Variants in ADAMTSL1 observed in about 807,000 individuals in gnomAD.
The protein encoded by ADAMTSL1 is ADAMTS-like protein 1.
In ADAMTSL1, 126 loss-of-function variants were observed where a neutral mutation model predicts 201.8. The ratio of observed to expected loss-of-function variants is 0.62; its 90% CI spans 0.54 to 0.72. The LOEUF is 0.72. Ranked by LOEUF, ADAMTSL1 falls within the 30% of genes least tolerant of loss-of-function variation. The probability of loss-of-function intolerance (pLI) is 0.00; values close to 1 mark genes in which losing one functional copy is unlikely to be tolerated. For synonymous variants in ADAMTSL1, 1,121 were observed against 903.4 expected (o/e 1.24, Z -4.32); for missense variants, 2,679 against 2,277.8 (o/e 1.18, Z -3.59).
chr9:18,054,222 T>G (rs1805467828), intron 1 of ADAMTSL1, among the ~76,000 whole-genome samples: 1 of 152,212 alleles, frequency 6.6e-6, no homozygotes, highest in Non-Finnish European at 1.5e-5. Flanking sequence ...TGTAGAAAAT[T>G]GAGAAACCAT....
chr9:18,904,407 T>G (rs1830174781), intron 26 of ADAMTSL1, among the ~76,000 whole-genome samples: 2 of 151,998 alleles, frequency 1.3e-5, no homozygotes, highest in Non-Finnish European at 2.9e-5. Context: ...AGGCAGAGGT[T>G]GCAGTAAGCC....
chr9:18,543,348 T>G (rs1362560919), intron 3 of ADAMTSL1, among the ~76,000 whole-genome samples: 1 of 150,690 alleles, frequency 6.6e-6, no homozygotes, highest in African/African-American at 2.4e-5. Flanking sequence ...ACCCACAGCT[T>G]TTTTTTTTAA....
intron 1 of ADAMTSL1, among the ~76,000 whole-genome samples, chr9:18,088,306 T>G (rs1823856457): frequency 6.6e-6 from 1 of 152,054 alleles, no homozygotes; most frequent in Non-Finnish European, 1.5e-5. Context: ...GAAGAAAACA[T>G]AGAGGAAAGT....
At chr9:18,732,153 C>CT (rs1233998423) in intron 15 of ADAMTSL1, among the ~76,000 whole-genome samples, 1 of 152,230 alleles carries the variant, frequency 6.6e-6, no homozygotes, top group African/African-American at 2.4e-5. Flanking sequence ...TGCTAACACT[C>CT]TTACTTTTCT....
chr9:18,692,935 A>G (rs2133253144), intron 13 of ADAMTSL1, among the ~76,000 whole-genome samples: 1 of 152,368 alleles, frequency 6.6e-6, no homozygotes. Flanking sequence ...GCAAAGAGAA[A>G]GAAAGATGGT....
At chr9:17,993,959 C>A in intron 1 of ADAMTSL1, among the ~76,000 whole-genome samples, 1 of 151,960 alleles carries the variant, frequency 6.6e-6, no homozygotes, top group East Asian at 1.9e-4. Flanking sequence ...TTTTGAGAGA[C>A]CAGAGAGGTC....
intron 1 of ADAMTSL1, among the ~76,000 whole-genome samples, chr9:18,069,943 G>A (rs542131344): frequency 6.6e-6 from 1 of 152,308 alleles, no homozygotes; most frequent in South Asian, 2.1e-4. Context: ...AAACATTGGA[G>A]CCTATAGTTG....
Position 18,776,811 on chromosome 9 carries a change from C to G in ADAMTSL1, c.2582C>G (p.Pro861Arg), listed in dbSNP as rs748416492. The G allele has an allele frequency of 1.2e-5, 18 of 1,564,008 alleles. No homozygotes were observed. The highest frequency in any genetic ancestry group is 8.1e-5 in the African/African-American group (6 of 73,650). The change falls in exon 19 of 29, where the codon CCG becomes CGG. Residue 861 changes from proline (P) to arginine (R), a missense_variant. Pro to Arg is a moderately radical substitution (Grantham distance 103, BLOSUM62 -2). Transcript: ENST00000380548. ...GGGCGGCCATCCACGAAGCACAGCC[C>G]GCACATCGCGGCCGCCAGGAAGGTC... is the stretch of plus-strand genomic sequence containing the variant. ...RPGRPSTKHS[P>R]HIAAARKVYI... is the part of the protein sequence containing the mutation.
intron 2 of ADAMTSL1, among the ~76,000 whole-genome samples, chr9:18,432,854 G>C (rs1021276952): frequency 1.3e-5 from 2 of 152,140 alleles, no homozygotes; most frequent in Non-Finnish European, 2.9e-5. Flanking sequence ...TTAGTTGTGG[G>C]ATTTAGTGTC....
At chr9:18,628,332 G>A (rs10811001) in intron 5 of ADAMTSL1, among the ~76,000 whole-genome samples, 21,249 of 151,962 alleles carry the variant, frequency 0.14, 1,621 homozygotes, top group Admixed American at 0.21. Flanking sequence ...AGTACCATTT[G>A]TTGAAAAAGA....
At chr9:18,304,476 A>C (rs1372341097) in intron 2 of ADAMTSL1, among the ~76,000 whole-genome samples, 4 of 152,166 alleles carry the variant, frequency 2.6e-5, no homozygotes, top group African/African-American at 9.7e-5. Flanking sequence ...GCTATTTTGC[A>C]AAACCAAATT....
intron 21 of ADAMTSL1, among the ~76,000 whole-genome samples, chr9:18,819,455 CAA>C (rs11330901): frequency 1.7e-3 from 220 of 132,264 alleles, no homozygotes; most frequent in Non-Finnish European, 1.8e-3. Context: ...GACTCTGTCT[CAA>C]AAAAAAAAAA....
intron 2 of ADAMTSL1, among the ~76,000 whole-genome samples, chr9:18,461,573 A>T (rs566164635): frequency 6.6e-6 from 1 of 152,240 alleles, no homozygotes; most frequent in African/African-American, 2.4e-5. Flanking sequence ...TTTTTATTTA[A>T]TCTACCTAAC....
chr9:18,155,661 C>G (rs1188983982), intron 1 of ADAMTSL1, among the ~76,000 whole-genome samples: 1 of 152,020 alleles, frequency 6.6e-6, no homozygotes, highest in African/African-American at 2.4e-5. Context: ...AAAGATTGGA[C>G]TCCCCTTCTG....
Position 18,650,656 on chromosome 9 carries a change from A to T in ADAMTSL1, c.835-6983A>T, listed in dbSNP as rs58023378. Among the ~76,000 whole-genome samples the T allele has an allele frequency of 1.3e-3, 202 of 152,316 alleles. 4 individuals are homozygous for T. In the East Asian group the frequency reaches 0.036, roughly 27 times the overall value. ...TGAGCAATTGTTATATATTGCCCTT[A>T]GTTCTAAAATAATGTTTTGGAATAT... On this transcript the variant is annotated intron_variant, in intron 7 of 28. Coordinates refer to ENST00000380548, the MANE Select transcript of ADAMTSL1 (RefSeq NM_001040272.6).
intron 1 of ADAMTSL1, among the ~76,000 whole-genome samples, chr9:18,107,665 C>T (rs1824818446): frequency 6.6e-6 from 1 of 152,132 alleles, no homozygotes; most frequent in South Asian, 2.1e-4. Flanking sequence ...AAAACAAATA[C>T]CAATTTTTCT....
intron 19 of ADAMTSL1, among the ~76,000 whole-genome samples, chr9:18,783,580 T>C (rs1821528615): frequency 6.6e-6 from 1 of 152,204 alleles, no homozygotes; most frequent in African/African-American, 2.4e-5. Context: ...TTACAGCCAG[T>C]GGCTTTAACA....
intron 23 of ADAMTSL1, among the ~76,000 whole-genome samples, chr9:18,859,149 CTG>C (rs1257912058): frequency 2.6e-4 from 40 of 152,196 alleles, no homozygotes; most frequent in South Asian, 1.0e-3. Flanking sequence ...CACATTTACT[CTG>C]TTACAGTTCT....
chr9:18,556,987 T>C (rs1171697779), intron 3 of ADAMTSL1, among the ~76,000 whole-genome samples: 1 of 151,920 alleles, frequency 6.6e-6, no homozygotes, highest in Non-Finnish European at 1.5e-5. Context: ...AACTTGGGTA[T>C]CTGTAGGAGG....
Sources: allele counts gnomAD v4.1 joint callset (sites outside exome capture counted in the v4.1 genomes callset), GRCh38; gene constraint gnomAD v4.1.1; transcripts MANE v1.5; gene names NCBI Gene and HGNC (gene_info 2026-07-23, HGNC 2026-07-21).